The following RBX1 variants were observed in gnomAD, a reference collection of about 807,000 sequenced individuals.
RBX1 encodes the protein E3 ubiquitin-protein ligase RBX1.
For synonymous variants in RBX1, 48 were observed against 47.9 expected (o/e 1.00, Z -0.01); for missense variants, 46 against 141.4 (o/e 0.33, Z 3.42).
chr22:40,957,085 T>A (rs752355820), intron 2 of RBX1, among the ~76,000 whole-genome samples: 9 of 147,564 alleles, frequency 6.1e-5, no homozygotes, highest in Non-Finnish European at 1.0e-4. Flanking sequence ...CGGTGGCTCA[T>A]GCCTGTAATC....
chr22:40,966,017 G>T (rs543933494), intron 3 of RBX1, among the ~76,000 whole-genome samples: 1 of 152,286 alleles, frequency 6.6e-6, no homozygotes, highest in African/African-American at 2.4e-5. Flanking sequence ...TGTGGCAGAA[G>T]GCTCTGGATT....
At chr22:40,955,435 GAAAAT>G (rs770149004) in intron 2 of RBX1, among the ~76,000 whole-genome samples, 29 of 150,854 alleles carry the variant, frequency 1.9e-4, no homozygotes, top group Non-Finnish European at 3.8e-4. Flanking sequence ...AAAGTAAAAA[GAAAAT>G]AAAAAGGTGA....
chr22:40,961,626 G>C (rs1366422803), intron 2 of RBX1, among the ~76,000 whole-genome samples: 1 of 151,722 alleles, frequency 6.6e-6, no homozygotes, highest in Non-Finnish European at 1.5e-5. Flanking sequence ...GGATGGGCTC[G>C]ATCTCCTGAC....
chr22:40,961,424 T>A (rs886373437), intron 2 of RBX1, among the ~76,000 whole-genome samples: 5 of 151,908 alleles, frequency 3.3e-5, no homozygotes, highest in African/African-American at 1.2e-4. Flanking sequence ...TTTTTATTTT[T>A]ATTTTTTGAG....
At chr22:40,965,837 C>T (rs1357628373) in intron 3 of RBX1, among the ~76,000 whole-genome samples, 3 of 152,164 alleles carry the variant, frequency 2.0e-5, no homozygotes, top group South Asian at 2.1e-4. Context: ...GAGCTTTAAT[C>T]GTTCATGGGG....
chr22:40,952,714 T>TCAAG (rs1555893817), intron 1 of RBX1, among the ~76,000 whole-genome samples: 23 of 152,048 alleles, frequency 1.5e-4, no homozygotes, highest in Non-Finnish European at 1.6e-4. Flanking sequence ...ATGGTAAGAA[T>TCAAG]CAAAATTCTA....
At chr22:40,966,767 G>A (rs1462065403) in intron 3 of RBX1, 1 of 152,194 alleles carries the variant, frequency 6.6e-6, no homozygotes, top group Non-Finnish European at 1.5e-5. Flanking sequence ...ATTAAATGAA[G>A]CTTGTAAAGC....
rs1247936739 is a variant in RBX1 at position 40,964,219 on chromosome 22, ACCTTTCTCCC to A, written c.228+103_228+112del. The A allele has an allele frequency of 1.1e-3, 926 of 821,942 alleles. 18 individuals carry two copies. In the South Asian group the frequency reaches 0.013, roughly 12 times the overall value. The allele number at this position is 821,942 out of a possible 1,614,324, so 50.9% of individuals were successfully genotyped here. A position where few individuals can be genotyped will look rare whatever the true frequency, so the allele number is the denominator to read the frequency against. On this transcript the variant is annotated intron_variant, in intron 3 of 4. Coordinates refer to ENST00000216225, the MANE Select transcript of RBX1 (RefSeq NM_014248.4). ...AACTAGGGAAAAAAATGACTAGTCC[ACCTTTCTCCC>A]AAAAGGTATACAAATAGTAAAAAAG... is the stretch of plus-strand genomic sequence containing the variant.
chr22:40,961,081 C>CTTTTTTTTTTTTTTTTTTTTTTTTTTTTT (rs61092253), intron 2 of RBX1, among the ~76,000 whole-genome samples: 3 of 107,668 alleles, frequency 2.8e-5, no homozygotes, highest in African/African-American at 1.1e-4. Context: ...CGTGCCTGGC[C>CTTTTTTTTTTTTTTTTTTTTTTTTTTTTT]TTTTTTTTTT....
intron 2 of RBX1, among the ~76,000 whole-genome samples, chr22:40,961,665 A>G (rs1387734826): frequency 6.6e-6 from 1 of 152,034 alleles, no homozygotes; most frequent in Non-Finnish European, 1.5e-5. Context: ...CAGCCTCCCA[A>G]AACGCTGGGA....
At chr22:40,971,434 C>A (rs1046615654) in intron 4 of RBX1, among the ~76,000 whole-genome samples, 7 of 152,118 alleles carry the variant, frequency 4.6e-5, no homozygotes, top group African/African-American at 1.4e-4. Context: ...ATCCAAATAA[C>A]AAATTATTTT....
intron 2 of RBX1, among the ~76,000 whole-genome samples, chr22:40,963,208 GC>G (rs1408950558): frequency 6.6e-6 from 1 of 152,140 alleles, no homozygotes; most frequent in Non-Finnish European, 1.5e-5. Flanking sequence ...TTCTCCTGAA[GC>G]TTTTTATTCT....
At chr22:40,958,124 T>A (rs1288631688) in intron 2 of RBX1, among the ~76,000 whole-genome samples, 2 of 151,912 alleles carry the variant, frequency 1.3e-5, no homozygotes, top group Non-Finnish European at 2.9e-5. Context: ...ATCTAGCTGC[T>A]AATTTTTTAA....
chr22:40,954,545 C>T (rs1308583198), intron 2 of RBX1, among the ~76,000 whole-genome samples: 2 of 152,078 alleles, frequency 1.3e-5, no homozygotes, highest in Non-Finnish European at 2.9e-5. Flanking sequence ...GAATGTTGAT[C>T]ACACCAGGAA....
At chr22:40,964,809 A>G (rs771282028) in intron 3 of RBX1, among the ~76,000 whole-genome samples, 55 of 152,226 alleles carry the variant, frequency 3.6e-4, no homozygotes, top group Non-Finnish European at 6.8e-4. Context: ...AAGAGATTCT[A>G]GAGTCAGACC....
chr22:40,967,644 G>T, intron 3 of RBX1, 155 bp from the exon 4 acceptor site: 1 of 572,934 alleles, frequency 1.7e-6, no homozygotes, highest in Non-Finnish European at 3.1e-6. Context: ...ATCTAACCAA[G>T]ATATAATCAG....
In RBX1 at chr22:40,951,439, A is replaced by G. The variant is rs999092908; in HGVS notation, c.41A>G (p.Asn14Ser). ...GATGTGGATACCCCGAGCGGCACCA[A>G]CAGCGGCGCGGGCAAGAAGCGCTTT... ...AMDVDTPSGT[N>S]SGAGKKRFEV... is the part of the protein sequence containing the mutation. Residue 14 changes from asparagine (N) to serine (S), a missense_variant, in exon 1 of 5, where the codon AAC becomes AGC. Coordinates refer to ENST00000216225, the MANE Select transcript of RBX1 (RefSeq NM_014248.4). 1 of 1,613,740 alleles carries G rather than the reference A, an allele frequency of 6.2e-7. No homozygotes were observed. The highest frequency in any genetic ancestry group is 8.5e-7 in the Non-Finnish European group (1 of 1,179,900).
At chr22:40,955,153 T>G (rs2058321872) in intron 2 of RBX1, among the ~76,000 whole-genome samples, 1 of 152,206 alleles carries the variant, frequency 6.6e-6, no homozygotes, top group Non-Finnish European at 1.5e-5. Context: ...CTTTTTTGCC[T>G]AGAATATTCT....
chr22:40,953,672 T>C, intron 2 of RBX1, 39 bp downstream of exon 2: 1 of 1,401,760 alleles, frequency 7.1e-7, no homozygotes, highest in Non-Finnish European at 1.0e-6. Flanking sequence ...GTTGAGAAGG[T>C]TGCAGAGATT....
Sources: allele counts gnomAD v4.1 joint callset (sites outside exome capture counted in the v4.1 genomes callset), GRCh38; gene constraint gnomAD v4.1.1; transcripts MANE v1.5; gene names NCBI Gene and HGNC (gene_info 2026-07-23, HGNC 2026-07-21).